Variants in MATK observed in about 807,000 individuals in gnomAD.
MATK encodes megakaryocyte-associated tyrosine-protein kinase.
In MATK, 41 loss-of-function variants were observed where a neutral mutation model predicts 59.8. The ratio of observed to expected loss-of-function variants is 0.69; its 90% CI spans 0.53 to 0.89. The LOEUF (loss-of-function observed/expected upper bound fraction) is 0.89, where lower values mean the gene tolerates loss of function less well. Ranked by LOEUF, MATK falls within the 40% of genes least tolerant of loss-of-function variation. The pLI is 0.00. For synonymous variants in MATK, 308 were observed against 306.1 expected (o/e 1.01, Z -0.06); for missense variants, 593 against 719.6 (o/e 0.82, Z 2.01).
At chr19:3,780,587 C>G (rs1349079898) in intron 8 of MATK, among the ~76,000 whole-genome samples, 1 of 138,720 alleles carries the variant, frequency 7.2e-6, no homozygotes, top group Non-Finnish European at 1.6e-5. Context: ...CCACCACGCC[C>G]GGCTAATTTT....
intron 1 of MATK, among the ~76,000 whole-genome samples, chr19:3,796,856 G>A (rs2037599761): frequency 6.6e-6 from 1 of 152,146 alleles, no homozygotes; most frequent in Non-Finnish European, 1.5e-5. Context: ...ATTGTAGGTG[G>A]ATACTTTTCT....
At chr19:3,789,631 G>A (rs752770603), upstream of MATK, among the ~76,000 whole-genome samples, 3 of 152,046 alleles carry the variant, frequency 2.0e-5, no homozygotes, top group African/African-American at 7.2e-5. Context: ...ACTCTAGGGG[G>A]ATAGATTTGA....
rs1568406870 is a variant in MATK at position 3,783,858 on chromosome 19, T to TTGTGAGGTGG, written c.528_537dup (p.Ile180ProfsTer6). ...TTGCAGAAGAACACGGCCTCATCGA[T>TTGTGAGGTGG]TGTGAGGTGGCCGTCGCGGTGCAGC... On this transcript the variant is annotated frameshift_variant, in exon 6 of 14. Coordinates refer to ENST00000310132, the MANE Select transcript of MATK (RefSeq NM_139355.3). LOFTEE classifies it high-confidence loss of function. 1 of 1,613,140 alleles carries TTGTGAGGTGG rather than the reference T, an allele frequency of 6.2e-7. No homozygotes were observed. The highest frequency in any genetic ancestry group is 8.5e-7 in the Non-Finnish European group (1 of 1,179,808).
intron 1 of MATK, among the ~76,000 whole-genome samples, chr19:3,791,814 T>C (rs1260538713): frequency 2.0e-5 from 3 of 151,860 alleles, no homozygotes; most frequent in East Asian, 3.9e-4. Flanking sequence ...ATTTGAGAAG[T>C]AGAACAGCTG....
At chr19:3,798,370 G>A (rs776104343) in intron 1 of MATK, among the ~76,000 whole-genome samples, 13 of 152,112 alleles carry the variant, frequency 8.5e-5, no homozygotes, top group East Asian at 7.7e-4. Flanking sequence ...GGTGGTTGGC[G>A]GGTGGGGGTG....
Position 3,783,878 on chromosome 19 carries a change from T to C in MATK, c.518A>G (p.His173Arg). ...ATCGATTGTGAGGTGGCCGTCGCGG[T>C]GCAGCACGCGGTAGTGGATGACGTC... ...GRDVIHYRVL[H>R]RDGHLTIDEA... The change falls in exon 6 of 14, where the codon CAC becomes CGC. Residue 173 changes from histidine (H) to arginine (R), a missense_variant. By Grantham distance (29) the His-to-Arg change is conservative. Transcript: ENST00000310132. The C allele has an allele frequency of 6.2e-7, 1 of 1,613,170 alleles. No homozygotes were observed. The highest frequency in any genetic ancestry group is 8.5e-7 in the Non-Finnish European group (1 of 1,179,874).
intron 1 of MATK, among the ~76,000 whole-genome samples, chr19:3,794,973 T>C (rs959789160): frequency 6.9e-6 from 1 of 144,250 alleles, no homozygotes; most frequent in African/African-American, 2.7e-5. Flanking sequence ...TCTTTTCTTT[T>C]GCTTTTTTTT....
In MATK at chr19:3,784,430, G is replaced by T; in HGVS notation, c.154C>A (p.Gln52Lys). 1.3e-6 allele frequency: 2 copies of T among 1,599,866 alleles called. No homozygotes were observed. Among genetic ancestry groups the T allele is most frequent in the Non-Finnish European group, 8.5e-7 (1 of 1,176,014 alleles). Residue 52 changes from glutamine to lysine, a missense_variant, in exon 4 of 14, where the codon CAG (glutamine) becomes AAG (lysine). By Grantham distance (53) the Gln-to-Lys change is moderately conservative. Transcript: ENST00000310132. ...MPTRRWAPGTQCITKCEHTRP... is the reference protein window; with the variant it reads ...MPTRRWAPGTKCITKCEHTRP... ...GTGTGCTCGCATTTGGTGATACACT[G>T]GGTGCCCGGGGCCCAGCGCCTCTGC... is the stretch of plus-strand genomic sequence containing the variant.
chr19:3,786,398 G>T (rs1423755678), upstream of MATK: 4 of 965,300 alleles, frequency 4.1e-6, no homozygotes, highest in Admixed American at 1.3e-4. The surrounding 1 kb of genome is among the most constrained non-coding windows in gnomAD (Gnocchi z 4.1). Context: ...TCCTCCGCGC[G>T]CCGCCGCCGC....
In MATK at chr19:3,779,001, G is replaced by A. The variant is rs984212533; in HGVS notation, c.1188C>T (p.Leu396=). Residue 396 remains leucine, a synonymous_variant, in exon 12 of 14, where the codon CTC becomes CTT. Coordinates refer to ENST00000310132, the MANE Select transcript of MATK (RefSeq NM_139355.3). ...LPVKWTAPEA[L]KHGKFTSKSD... ...TGAAGGCAGGGCTCACCCCGTGTTT[G>A]AGAGCCTCGGGCGCCGTCCACTTGA... is the stretch of plus-strand genomic sequence containing the variant. The A allele has an allele frequency of 3.2e-6, 5 of 1,562,008 alleles. No individual in the cohort carries two copies. Among genetic ancestry groups the A allele is most frequent in the Non-Finnish European group, 4.3e-6 (5 of 1,157,484 alleles).
intron 1 of MATK, chr19:3,801,405 TCG>T (rs1358424680): frequency 2.6e-5 from 4 of 152,244 alleles, no homozygotes; most frequent in Non-Finnish European, 5.9e-5. Flanking sequence ...CGGCCGCCTC[TCG>T]CTCCTGTCCG....
Position 3,784,223 on chromosome 19 carries a change from C to G in MATK, c.263G>C (p.Arg88Pro). The G allele has an allele frequency of 6.2e-7, 1 of 1,612,896 alleles. No individual in the cohort carries two copies. Among genetic ancestry groups the G allele is most frequent in the Non-Finnish European group, 8.5e-7 (1 of 1,179,330 alleles). The change falls in exon 5 of 14, where the codon CGC (arginine) becomes CCC (proline). Residue 88 changes from arginine to proline, a missense_variant. Coordinates refer to ENST00000310132, the MANE Select transcript of MATK (RefSeq NM_139355.3). ...CTGTCCACTGGTGTGGTGCTTGACGCGGTACCAGCTCTTGTTCTGCCAGGG... is the reference window on the plus strand; with the variant it reads ...CTGTCCACTGGTGTGGTGCTTGACGGGGTACCAGCTCTTGTTCTGCCAGGG... ...LEACENKSWY[R>P]VKHHTSGQEG...
In MATK at chr19:3,778,410, CCT is replaced by C; in HGVS notation, c.1295_1296del (p.Glu432GlyfsTer122). The C allele has an allele frequency of 6.2e-7, 1 of 1,613,132 alleles. No homozygotes were observed. Among genetic ancestry groups the C allele is most frequent in the Non-Finnish European group, 8.5e-7 (1 of 1,179,896 alleles). ...RAPYPKMSLK[E>X]VSEAVEKGYR... ...TACCCCTTCTCCACGGCCTCCGACA[CCT>C]CTTTCAGTGACTGCGGACAGCAGGC... On this transcript the variant is annotated frameshift_variant, in exon 14 of 14. Coordinates refer to ENST00000310132, the MANE Select transcript of MATK (RefSeq NM_139355.3). LOFTEE classifies it low-confidence loss of function (END_TRUNC).
rs185432152 is a variant in MATK at position 3,799,864 on chromosome 19, C to A, written c.-58+1668G>T. The stretch of plus-strand genomic sequence containing the variant: ...TCAAAGAAAAATAAGATGTGTCAGC[C>A]GGGCGCGGTGGCTCACGCCTGTAAT... On this transcript the variant is annotated intron_variant, in intron 1 of 13. Coordinates refer to the MATK transcript ENST00000395045. 5.5e-4 allele frequency among the ~76,000 whole-genome samples: 83 copies of A among 151,616 alleles called. No individual in the cohort carries two copies. In the Middle Eastern group the frequency reaches 0.024, roughly 43 times the overall value.
chr19:3,785,323 A>G, intron 1 of MATK, 37 bp from the exon 2 acceptor site: 3 of 1,330,722 alleles, frequency 2.3e-6, no homozygotes, highest in Non-Finnish European at 3.0e-6. Flanking sequence ...GGAAATAGGG[A>G]TGAGTCAAGG....
At chr19:3,789,093 TG>T (rs2037516689), upstream of MATK, among the ~76,000 whole-genome samples, 1 of 152,166 alleles carries the variant, frequency 6.6e-6, no homozygotes, top group African/African-American at 2.4e-5. Flanking sequence ...TTCGTGGATC[TG>T]GCTGTGGGAT....
At position 3,786,335 on chromosome 19, in the gene MATK, G is replaced by A; in HGVS notation, c.-318C>T. The A allele has an allele frequency of 1.0e-6, 1 of 984,308 alleles. No individual in the cohort carries two copies. Among genetic ancestry groups the A allele is most frequent in the Non-Finnish European group, 1.2e-6 (1 of 829,580 alleles). 61.0% of individuals were successfully genotyped at this position (984,308 alleles called of 1,614,324 possible). ...GTCGGGGAGTGGGGGAAAGCGGGAG[G>A]CGCCGCGGCCTGGGAGGCCCCCGCG... On this transcript the variant is annotated 5_prime_UTR_variant, in exon 1 of 14. Transcript: ENST00000310132. The surrounding 1 kb of genome is among the most constrained non-coding windows in gnomAD (Gnocchi z 4.1).
At chr19:3,790,261 G>A (rs2037528281), upstream of MATK, among the ~76,000 whole-genome samples, 1 of 152,110 alleles carries the variant, frequency 6.6e-6, no homozygotes, top group African/African-American at 2.4e-5. Context: ...CCTTATACCA[G>A]CCTGAGTGGG....
intron 1 of MATK, 145 bp from the exon 2 acceptor site, chr19:3,785,431 A>AC (rs2037468312): frequency 2.0e-6 from 1 of 490,738 alleles, no homozygotes; most frequent in Non-Finnish European, 3.6e-6. Flanking sequence ...AGCCTCTCTG[A>AC]TCCCCCCCCA....
Sources: allele counts gnomAD v4.1 joint callset (sites outside exome capture counted in the v4.1 genomes callset), GRCh38; gene constraint gnomAD v4.1.1; non-coding constraint Gnocchi (gnomAD v3.1); transcripts MANE v1.5; gene names NCBI Gene and HGNC (gene_info 2026-07-23, HGNC 2026-07-21).